The following C14orf119 variants were observed in gnomAD, a reference collection of about 807,000 sequenced individuals.
The protein encoded by C14orf119 is chromosome 14 open reading frame 119, also known as uncharacterized protein C14orf119.
In C14orf119, 17 loss-of-function variants were observed where a neutral mutation model predicts 13.5. The ratio of observed to expected loss-of-function variants is 1.26; its 90% CI spans 0.86 to 1.88. The LOEUF is 1.88. Among genes scored for constraint, C14orf119 ranks in the 40% most tolerant of loss-of-function variants. The probability of loss-of-function intolerance (pLI) is 0.00; values close to 1 mark genes in which losing one functional copy is unlikely to be tolerated. For synonymous variants in C14orf119, 61 were observed against 61.9 expected (o/e 0.99, Z 0.07); for missense variants, 162 against 165.9 (o/e 0.98, Z 0.13).
At position 23,099,557 on chromosome 14, in the gene C14orf119, CTTT is replaced by C. The variant is rs11372755; in HGVS notation, c.*1493_*1495del. 9.6e-3 allele frequency: 2,926 copies of C among 304,802 alleles called. No homozygotes were observed. The highest frequency in any genetic ancestry group is 0.016 in the Middle Eastern group (18 of 1,126). 18.9% of individuals were successfully genotyped at this position (304,802 alleles called of 1,614,324 possible). A position where few individuals can be genotyped will look rare whatever the true frequency, so the allele number is the denominator to read the frequency against. On this transcript the variant is annotated 3_prime_UTR_variant, in exon 2 of 2. Coordinates refer to ENST00000319074, the MANE Select transcript of C14orf119 (RefSeq NM_017924.4). ...GCCTTAGTAGATAAAGCGGCATTAC[CTTT>C]TTTTTTTTTTTTTTTTGGAGACAAG...
intron 1 of C14orf119, among the ~76,000 whole-genome samples, 200 bp downstream of exon 1, chr14:23,095,819 G>T (rs2140272922): frequency 6.6e-6 from 1 of 152,326 alleles, no homozygotes; most frequent in East Asian, 1.9e-4. Context: ...CCGTGGGGGT[G>T]CGCAAGAAGC....
rs1409233854 is a variant in C14orf119, at chr14:23,097,762, C to T, written c.104C>T (p.Thr35Ile). The change falls in exon 2 of 2, where the codon ACC becomes ATC. Residue 35 changes from threonine to isoleucine, a missense_variant. Coordinates refer to ENST00000319074, the MANE Select transcript of C14orf119 (RefSeq NM_017924.4). ...NPSPPLMSYI[T>I]SQEMKCILHW... ...TCCCCTCCTCTGATGTCTTACATCA[C>T]CTCCCAGGAGATGAAGTGTATTCTT... 3 of 1,613,828 alleles carry T rather than the reference C, an allele frequency of 1.9e-6. No individual in the cohort carries two copies. In the Admixed American group the frequency reaches 5.0e-5, roughly 27 times the overall value.
Position 23,097,935 on chromosome 14 carries a change from G to C in C14orf119, c.277G>C (p.Glu93Gln). 1 of 1,614,156 alleles carries C rather than the reference G, an allele frequency of 6.2e-7. No homozygotes were observed. The highest frequency in any genetic ancestry group is 1.6e-4 in the Middle Eastern group (1 of 6,062). ...GGCAGACCGACCACCTTCTATCTTTGAGTGCCAGCTACATCTTTGGGATCA... is the reference window on the plus strand; with the variant it reads ...GGCAGACCGACCACCTTCTATCTTTCAGTGCCAGCTACATCTTTGGGATCA... ...SGADRPPSIF[E>Q]CQLHLWDQWF... Residue 93 changes from glutamate to glutamine, a missense_variant, in exon 2 of 2, where the codon GAG (glutamate) becomes CAG (glutamine). Glu to Gln is a conservative substitution (Grantham distance 29). Transcript: ENST00000319074.
At chr14:23,097,327 C>G (rs562529650) in intron 1 of C14orf119, among the ~76,000 whole-genome samples, 1 of 152,218 alleles carries the variant, frequency 6.6e-6, no homozygotes, top group African/African-American at 2.4e-5. Context: ...TTTACCCAAC[C>G]TGGCACATAG....
In C14orf119 at chr14:23,097,939, G is replaced by A; in HGVS notation, c.281G>A (p.Cys94Tyr). 6.2e-7 allele frequency: 1 copy of A among 1,614,172 alleles called. No homozygotes were observed. The highest frequency in any genetic ancestry group is 8.5e-7 in the Non-Finnish European group (1 of 1,180,006). ...GADRPPSIFECQLHLWDQWFR... is the reference protein window; with the variant it reads ...GADRPPSIFEYQLHLWDQWFR... ...GACCGACCACCTTCTATCTTTGAGT[G>A]CCAGCTACATCTTTGGGATCAGTGG... The change falls in exon 2 of 2, where the codon TGC becomes TAC. Residue 94 changes from cysteine to tyrosine, a missense_variant. Transcript: ENST00000319074.
Position 23,095,613 on chromosome 14 carries a change from A to G in C14orf119, c.-8A>G, listed in dbSNP as rs552674221. ...ATCTTCGGGTGCCCTTCGAGAGAAA[A>G]GGGGAGGTAAGCGGGGTAGAAGTAC... On this transcript the variant is annotated 5_prime_UTR_variant, in exon 1 of 2. Coordinates refer to ENST00000319074, the MANE Select transcript of C14orf119 (RefSeq NM_017924.4). 5.7e-5 allele frequency: 19 copies of G among 331,452 alleles called. No homozygotes were observed. In the Admixed American group the frequency reaches 7.4e-4, roughly 13 times the overall value. 20.5% of individuals were successfully genotyped at this position (331,452 alleles called of 1,614,324 possible). A position where few individuals can be genotyped will look rare whatever the true frequency, so the allele number is the denominator to read the frequency against.
Position 23,097,943 on chromosome 14 carries a change from G to A in C14orf119, c.285G>A (p.Gln95=). 1 of 1,614,208 alleles carries A rather than the reference G, an allele frequency of 6.2e-7. No individual in the cohort carries two copies. The highest frequency in any genetic ancestry group is 1.1e-5 in the South Asian group (1 of 91,082). ...GACCACCTTCTATCTTTGAGTGCCA[G>A]CTACATCTTTGGGATCAGTGGTTTC... ...ADRPPSIFEC[Q]LHLWDQWFRG... The change falls in exon 2 of 2, where the codon CAG becomes CAA. Residue 95 remains glutamine, a synonymous_variant. Transcript: ENST00000319074.
intron 1 of C14orf119, among the ~76,000 whole-genome samples, chr14:23,096,293 G>C (rs1262649382): frequency 2.0e-5 from 3 of 151,958 alleles, no homozygotes; most frequent in African/African-American, 7.3e-5. Flanking sequence ...GAGGCGGGCG[G>C]ATCACTTGAG....
rs768710045 is a variant in C14orf119 at position 23,097,720 on chromosome 14, C to T, written c.62C>T (p.Pro21Leu). The change falls in exon 2 of 2, where the codon CCA becomes CTA. Residue 21 changes from proline to leucine, a missense_variant. Physicochemically the swap from Pro to Leu is moderately conservative, Grantham distance 98. Coordinates refer to ENST00000319074, the MANE Select transcript of C14orf119 (RefSeq NM_017924.4). ...TTCCCATCTCTCTTACCCTCAGTAC[C>T]ACACAATACTAACCCTTCCCCTCCT... is the stretch of plus-strand genomic sequence containing the variant. Reference protein sequence around the residue: ...LSFPSLLPSVPHNTNPSPPLM... With the variant: ...LSFPSLLPSVLHNTNPSPPLM... 6.2e-7 allele frequency: 1 copy of T among 1,613,904 alleles called. No individual in the cohort carries two copies. The highest frequency in any genetic ancestry group is 8.5e-7 in the Non-Finnish European group (1 of 1,179,910).
rs998927740 is a variant in C14orf119, at chr14:23,095,525, A to G, written c.-96A>G. The G allele has an allele frequency of 7.5e-6, 4 of 534,988 alleles. No homozygotes were observed. The highest frequency in any genetic ancestry group is 1.3e-5 in the Non-Finnish European group (4 of 307,290). The allele number at this position is 534,988 out of a possible 1,614,324, so 33.1% of individuals were successfully genotyped here. ...AGTGCGTGGGCTGCCGGGCTGGCCC[A>G]GCTTAGGGTTTTCAGGAAATTTGGA... is the stretch of plus-strand genomic sequence containing the variant. On this transcript the variant is annotated 5_prime_UTR_variant, in exon 1 of 2. Coordinates refer to ENST00000319074, the MANE Select transcript of C14orf119 (RefSeq NM_017924.4).
chr14:23,096,050 G>A (rs1479023072), intron 1 of C14orf119, among the ~76,000 whole-genome samples: 1 of 152,142 alleles, frequency 6.6e-6, no homozygotes, highest in Non-Finnish European at 1.5e-5. Flanking sequence ...ATTGTTTAGG[G>A]GCTTCTTTCT....
At chr14:23,096,212 A>G (rs1339889544) in intron 1 of C14orf119, among the ~76,000 whole-genome samples, 2 of 152,224 alleles carry the variant, frequency 1.3e-5, no homozygotes, top group Non-Finnish European at 2.9e-5. Context: ...CGTTGCATTC[A>G]TGATGCAAAA....
chr14:23,099,709 G>T lies in C14orf119; in HGVS notation c.*1628G>T, dbSNP rs2048415249. 1 of 333,988 alleles carries T rather than the reference G, an allele frequency of 3.0e-6. No homozygotes were observed. The highest frequency in any genetic ancestry group is 5.0e-5 in the Admixed American group (1 of 20,128). The allele number at this position is 333,988 out of a possible 1,614,324, so 20.7% of individuals were successfully genotyped here. A position where few individuals can be genotyped will look rare whatever the true frequency, so the allele number is the denominator to read the frequency against. Reference sequence around the variant, plus strand: ...CGAATAGCTGGGACTACAGGCGCACGCCGCACCACCACGTCTGGCTAAGGG... The same window carrying T: ...CGAATAGCTGGGACTACAGGCGCACTCCGCACCACCACGTCTGGCTAAGGG... On this transcript the variant is annotated 3_prime_UTR_variant, in exon 2 of 2. Coordinates refer to ENST00000319074, the MANE Select transcript of C14orf119 (RefSeq NM_017924.4).
rs2048408549 is a variant in C14orf119, at chr14:23,098,986, G to A, written c.*905G>A. ...TGGCCTTTTTCTAAGGCATATGTAT[G>A]TGATATTCTTGGAACTGGTAGCAGG... On this transcript the variant is annotated 3_prime_UTR_variant, in exon 2 of 2. Coordinates refer to ENST00000319074, the MANE Select transcript of C14orf119 (RefSeq NM_017924.4). The A allele has an allele frequency of 4.5e-6, 1 of 223,692 alleles. No individual in the cohort carries two copies. The highest frequency in any genetic ancestry group is 2.3e-5 in the African/African-American group (1 of 43,804). 13.9% of individuals were successfully genotyped at this position (223,692 alleles called of 1,614,324 possible).
At position 23,099,728 on chromosome 14, in the gene C14orf119, C is replaced by T. The variant is rs56177889; in HGVS notation, c.*1647C>T. 0.13 allele frequency: 41,079 copies of T among 305,536 alleles called. 3,076 individuals are homozygous for T. Among genetic ancestry groups the T allele is most frequent in the South Asian group, 0.21 (1,258 of 6,090 alleles). The allele number at this position is 305,536 out of a possible 1,614,324, so 18.9% of individuals were successfully genotyped here. ...GCGCACGCCGCACCACCACGTCTGG[C>T]TAAGGGGCTTTACCCTTAAAGATAG... On this transcript the variant is annotated 3_prime_UTR_variant, in exon 2 of 2. Transcript: ENST00000319074.
In C14orf119 at chr14:23,100,395, A is replaced by G; in HGVS notation, c.*2314A>G. The G allele has an allele frequency of 2.4e-6, 1 of 412,350 alleles. No individual in the cohort carries two copies. The highest frequency in any genetic ancestry group is 4.4e-6 in the Non-Finnish European group (1 of 225,978). The allele number at this position is 412,350 out of a possible 1,614,324, so 25.5% of individuals were successfully genotyped here. The stretch of plus-strand genomic sequence containing the variant: ...GTGTTAGGGATCTTTGTTCTCTGAA[A>G]CGCAACCCTGTCTAGGACAATATAC... On this transcript the variant is annotated 3_prime_UTR_variant, in exon 2 of 2. Coordinates refer to ENST00000319074, the MANE Select transcript of C14orf119 (RefSeq NM_017924.4).
rs1173054885 is a variant in C14orf119 at position 23,098,285 on chromosome 14, C to G, written c.*204C>G. 14 of 585,910 alleles carry G rather than the reference C, an allele frequency of 2.4e-5. No homozygotes were observed. The highest frequency in any genetic ancestry group is 4.3e-5 in the Non-Finnish European group (14 of 323,444). 36.3% of individuals were successfully genotyped at this position (585,910 alleles called of 1,614,324 possible). On this transcript the variant is annotated 3_prime_UTR_variant, in exon 2 of 2. Coordinates refer to ENST00000319074, the MANE Select transcript of C14orf119 (RefSeq NM_017924.4). ...TATTTGTAAATGTTATCAATCTAAG[C>G]AATCCAGCTCATCAGTCTACTAGTT...
At chr14:23,097,132 A>G (rs1467310616) in intron 1 of C14orf119, among the ~76,000 whole-genome samples, 2 of 151,990 alleles carry the variant, frequency 1.3e-5, no homozygotes, top group Non-Finnish European at 2.9e-5. Flanking sequence ...GGCATATTTC[A>G]GAGGCTTATA....
rs1374609154 is a variant in C14orf119 at position 23,095,511 on chromosome 14, T to A, written c.-110T>A. On this transcript the variant is annotated 5_prime_UTR_variant, in exon 1 of 2. Transcript: ENST00000319074. ...GGTCCGAGGCCGGAAGTGCGTGGGCTGCCGGGCTGGCCCAGCTTAGGGTTT... is the reference window on the plus strand; with the variant it reads ...GGTCCGAGGCCGGAAGTGCGTGGGCAGCCGGGCTGGCCCAGCTTAGGGTTT... The A allele has an allele frequency of 1.7e-6, 1 of 586,768 alleles. No individual in the cohort carries two copies. Among genetic ancestry groups the A allele is most frequent in the East Asian group, 3.0e-5 (1 of 33,006 alleles). The allele number at this position is 586,768 out of a possible 1,614,324, so 36.3% of individuals were successfully genotyped here.
Sources: allele counts gnomAD v4.1 joint callset (sites outside exome capture counted in the v4.1 genomes callset), GRCh38; gene constraint gnomAD v4.1.1; transcripts MANE v1.5; gene names NCBI Gene and HGNC (gene_info 2026-07-23, HGNC 2026-07-21).